The following NLRP2 variants were observed in gnomAD, a reference collection of about 807,000 sequenced individuals.
The protein encoded by NLRP2 is NACHT, LRR and PYD domains-containing protein 2.
A neutral mutation model predicts 97.2 loss-of-function variants in NLRP2; 107 were observed. The ratio of observed to expected loss-of-function variants is 1.10; its 90% CI spans 0.94 to 1.29. NLRP2 has a LOEUF of 1.29. Ranked by LOEUF, NLRP2 falls within the 50% of genes most tolerant of loss-of-function variation. NLRP2 has a pLI of 0.00. For missense variants in NLRP2, 1,495 were observed against 1,330.3 expected (o/e 1.12, Z -1.93); for synonymous variants, 663 against 551.5 (o/e 1.20, Z -2.83).
chr19:54,997,303 C>T lies in NLRP2; in HGVS notation c.2880-14C>T. The T allele has an allele frequency of 6.2e-7, 1 of 1,613,006 alleles. No homozygotes were observed. Among genetic ancestry groups the T allele is most frequent in the Non-Finnish European group, 8.5e-7 (1 of 1,179,930 alleles). On this transcript the variant is annotated splice_polypyrimidine_tract_variant and intron_variant, in intron 11 of 12. Transcript: ENST00000448584. ...ACTGGCTGCATTAACGTGTTGATTT[C>T]TGTGTTTCCCCAGGTTGTGGGGATG...
chr19:55,001,119 A>C lies in NLRP2; in HGVS notation c.*221A>C. ...TATCACGGGTATATTGAGAGAAATAAAGGTGAGAGCATTCACAAATGAAGC... is the reference window on the plus strand; with the variant it reads ...TATCACGGGTATATTGAGAGAAATACAGGTGAGAGCATTCACAAATGAAGC... On this transcript the variant is annotated 3_prime_UTR_variant, in exon 13 of 13. Coordinates refer to ENST00000448584, the MANE Select transcript of NLRP2 (RefSeq NM_017852.5). The C allele has an allele frequency of 1.9e-6, 1 of 519,360 alleles. No homozygotes were observed. Among genetic ancestry groups the C allele is most frequent in the South Asian group, 2.3e-5 (1 of 43,678 alleles). 32.2% of individuals were successfully genotyped at this position (519,360 alleles called of 1,614,324 possible). A position where few individuals can be genotyped will look rare whatever the true frequency, so the allele number is the denominator to read the frequency against.
intron 10 of NLRP2, chr19:54,990,900 G>GTTT (rs34990862): frequency 2.7e-5 from 14 of 525,340 alleles, no homozygotes; most frequent in Non-Finnish European, 3.8e-5. Context: ...TGGTTTTCGG[G>GTTT]TTTTTTTTTT....
chr19:54,990,013 C>G lies in NLRP2; in HGVS notation c.2367-9C>G. Reference sequence around the variant, plus strand: ...AAAAAAAAATGACGTGGTCCTATTTCTCCCACAGGTTGGTGTCTTGTTCCG... The same window carrying G: ...AAAAAAAAATGACGTGGTCCTATTTGTCCCACAGGTTGGTGTCTTGTTCCG... On this transcript the variant is annotated splice_polypyrimidine_tract_variant and intron_variant, in intron 8 of 12. Transcript: ENST00000448584. The G allele has an allele frequency of 6.2e-7, 1 of 1,610,790 alleles. No individual in the cohort carries two copies.
chr19:54,986,387 T>C, intron 8 of NLRP2, 72 bp downstream of exon 8: 2 of 1,459,692 alleles, frequency 1.4e-6, no homozygotes, highest in African/African-American at 1.4e-5. Context: ...GGCAATTTTG[T>C]GTAAATAAGA....
chr19:55,000,854 C>T lies in NLRP2; in HGVS notation c.3145C>T (p.His1049Tyr), dbSNP rs2073150573. 6.2e-7 allele frequency: 1 copy of T among 1,613,256 alleles called. No homozygotes were observed. Among genetic ancestry groups the T allele is most frequent in the African/African-American group, 1.3e-5 (1 of 74,900 alleles). Residue 1049 changes from histidine (H) to tyrosine (Y), a missense_variant, in exon 13 of 13, where the codon CAT becomes TAT. Physicochemically the swap from His to Tyr is moderately conservative, Grantham distance 83 (BLOSUM62 2). Transcript: ENST00000448584. ...PQLIIDTEKH[H>Y]PWAERPSSHD... ...ACTGATTATTGATACTGAGAAACAT[C>T]ATCCCTGGGCAGAAAGGCCTTCTTC...
At chr19:54,977,034 CGATCTCCT>C (rs1168471280) in intron 3 of NLRP2, 3 of 323,168 alleles carry the variant, frequency 9.3e-6, no homozygotes, top group African/African-American at 6.8e-5. Context: ...GGGATGGTCT[CGATCTCCT>C]GACCTCATGA....
intron 11 of NLRP2, among the ~76,000 whole-genome samples, chr19:54,996,474 G>T (rs888538147): frequency 6.6e-6 from 1 of 152,146 alleles, no homozygotes; most frequent in Non-Finnish European, 1.5e-5. Flanking sequence ...CAGCACTCCA[G>T]CCCTGGCGAG....
chr19:54,978,591 C>G (rs2071389102), intron 4 of NLRP2, among the ~76,000 whole-genome samples: 1 of 152,016 alleles, frequency 6.6e-6, no homozygotes, highest in Admixed American at 6.6e-5. Context: ...TGTGGTGGCT[C>G]TCACCTATAA....
rs980246531 is a variant in NLRP2, at chr19:54,977,322, G to A, written c.326-430G>A. Among the ~76,000 whole-genome samples, 8 of 152,002 alleles carry A rather than the reference G, an allele frequency of 5.3e-5. No homozygotes were observed. In the South Asian group the frequency reaches 8.3e-4, roughly 16 times the overall value. On this transcript the variant is annotated intron_variant, in intron 3 of 12. Transcript: ENST00000448584. ...TGTAATCCCAGCTACTCCGGAGGCC[G>A]AGGCAGGAGAATCACTTGAACCCAG...
chr19:54,994,908 C>G (rs1238710401), intron 11 of NLRP2, among the ~76,000 whole-genome samples: 1 of 151,564 alleles, frequency 6.6e-6, no homozygotes, highest in African/African-American at 2.4e-5. Context: ...TGCGCCAGGC[C>G]CTATGTCTAA....
intron 10 of NLRP2, 195 bp from the exon 11 acceptor site, chr19:54,994,074 G>A (rs1243813650): frequency 5.0e-5 from 33 of 664,530 alleles, no homozygotes; most frequent in Non-Finnish European, 7.8e-5. Context: ...CCTTTTGCTC[G>A]CAGGTGCCAG....
At position 54,982,941 on chromosome 19, in the gene NLRP2, G is replaced by T; in HGVS notation, c.1243G>T (p.Gly415Trp). ...GACTCTGAAGCTGCAGATGGAGAAG[G>T]GGGAGGACCCGGTCCCCACCTGCCT... Reference protein sequence around the residue: ...CTTLKLQMEKGEDPVPTCLTR... With the variant: ...CTTLKLQMEKWEDPVPTCLTR... Residue 415 changes from glycine (G) to tryptophan (W), a missense_variant, in exon 6 of 13, where the codon GGG (glycine) becomes TGG (tryptophan). By Grantham distance (184) the Gly-to-Trp change is radical. Transcript: ENST00000448584. The T allele has an allele frequency of 1.2e-6, 2 of 1,612,802 alleles. No homozygotes were observed. The highest frequency in any genetic ancestry group is 1.1e-5 in the South Asian group (1 of 91,036).
At chr19:54,979,359 TGAGA>T (rs567075675) in intron 4 of NLRP2, among the ~76,000 whole-genome samples, 4 of 152,036 alleles carry the variant, frequency 2.6e-5, no homozygotes, top group Admixed American at 6.6e-5. Context: ...TGTTTTTTCT[TGAGA>T]AAGAGTTTTG....
At position 54,983,511 on chromosome 19, in the gene NLRP2, C is replaced by A. The variant is rs752629141; in HGVS notation, c.1813C>A (p.Leu605Ile). Residue 605 changes from leucine (L) to isoleucine (I), a missense_variant, in exon 6 of 13, where the codon CTC (leucine) becomes ATC (isoleucine). Transcript: ENST00000448584. Reference sequence around the variant, plus strand: ...TTCAACGGTGACAGACCTGCAGGAGCTCCTCGGCTGTCTGTACGAGTCTCA... The same window carrying A: ...TTCAACGGTGACAGACCTGCAGGAGATCCTCGGCTGTCTGTACGAGTCTCA... The part of the protein sequence containing the change: ...GHSTVTDLQE[L>I]LGCLYESQEE... The A allele has an allele frequency of 6.2e-7, 1 of 1,614,186 alleles. No homozygotes were observed. Among genetic ancestry groups the A allele is most frequent in the South Asian group, 1.1e-5 (1 of 91,078 alleles).
chr19:54,983,125 A>C lies in NLRP2; in HGVS notation c.1427A>C (p.Gln476Pro), dbSNP rs747806145. The C allele has an allele frequency of 1.2e-6, 2 of 1,612,524 alleles. No individual in the cohort carries two copies. The highest frequency in any genetic ancestry group is 1.7e-6 in the Non-Finnish European group (2 of 1,179,830). Residue 476 changes from glutamine (Q) to proline (P), a missense_variant, in exon 6 of 13, where the codon CAG becomes CCG. Gln to Pro is a moderately conservative substitution (Grantham distance 76). Coordinates refer to ENST00000448584, the MANE Select transcript of NLRP2 (RefSeq NM_017852.5). Reference protein sequence around the residue: ...HREDLERLGVQESDLRLFLDG... With the variant: ...HREDLERLGVPESDLRLFLDG... Reference sequence around the variant, plus strand: ...GAGGATCTGGAAAGGCTCGGGGTGCAGGAGTCCGACCTCCGTCTGTTCCTG... The same window carrying C: ...GAGGATCTGGAAAGGCTCGGGGTGCCGGAGTCCGACCTCCGTCTGTTCCTG...
chr19:54,976,107 G>A (rs2071215381), intron 3 of NLRP2, among the ~76,000 whole-genome samples: 1 of 151,574 alleles, frequency 6.6e-6, no homozygotes, highest in Non-Finnish European at 1.5e-5. Context: ...GGAATGCAGT[G>A]GCATGATCTC....
chr19:54,991,840 G>A (rs868122806), intron 10 of NLRP2, among the ~76,000 whole-genome samples: 2 of 140,252 alleles, frequency 1.4e-5, no homozygotes, highest in African/African-American at 2.6e-5. Flanking sequence ...GTGACAGAAC[G>A]AGATTGTCTC....
intron 11 of NLRP2, among the ~76,000 whole-genome samples, chr19:54,996,517 G>A (rs961951956): frequency 6.6e-6 from 1 of 152,070 alleles, no homozygotes; most frequent in Non-Finnish European, 1.5e-5. Context: ...TAACTTCAAA[G>A]ATGGAAGTTA....
intron 3 of NLRP2, among the ~76,000 whole-genome samples, chr19:54,975,101 G>GTTTTTTTTTTTTT (rs1190231820): frequency 2.4e-5 from 2 of 83,100 alleles, no homozygotes; most frequent in Non-Finnish European, 2.5e-5. Context: ...ACCACACCCG[G>GTTTTTTTTTTTTT]TTTTGTTTTT....
Sources: gnomAD v4.1 joint callset for allele counts (sites outside exome capture counted in the v4.1 genomes callset) on GRCh38, gnomAD v4.1.1 for gene constraint, MANE v1.5 for transcripts, NCBI Gene and HGNC (gene_info 2026-07-23, HGNC 2026-07-21) for gene names.